F5: variants seen among roughly 807,000 people sequenced by gnomAD.
F5 encodes the protein coagulation factor V, also known as activated protein c cofactor.
In F5, 138 loss-of-function variants were observed where a neutral mutation model predicts 216.4. The observed-to-expected ratio is 0.64, with a 90% CI of 0.56 to 0.73. The LOEUF is 0.73. Among genes scored for constraint, F5 ranks in the 30% least tolerant of loss-of-function variants. The probability of loss-of-function intolerance (pLI) is 0.00; values close to 1 mark genes in which losing one functional copy is unlikely to be tolerated. For missense variants in F5, 2,403 were observed against 2,674.0 expected (o/e 0.90, Z 2.24); for synonymous variants, 916 against 930.7 (o/e 0.98, Z 0.29).
intron 2 of F5, among the ~76,000 whole-genome samples, chr1:169,578,619 T>C (rs999296520): frequency 6.6e-6 from 1 of 152,258 alleles, no homozygotes; most frequent in Non-Finnish European, 1.5e-5. Flanking sequence ...GTTTCCCACC[T>C]TATATTCCCT....
At chr1:169,515,861 C>G (rs371357967) in intron 23 of F5, 9 of 522,904 alleles carry the variant, frequency 1.7e-5, no homozygotes, top group African/African-American at 9.6e-5. Context: ...TCTTAGCATT[C>G]CTTACTGCTT....
chr1:169,525,504 T>C lies in F5; in HGVS notation c.5716+397A>G, dbSNP rs75048036. ...ATACTCAACAGTGCTTAGTAATGGC[T>C]TAAAGAATGGATGAACAGATGGACA... On this transcript the variant is annotated intron_variant, in intron 18 of 24. Coordinates refer to ENST00000367797, the MANE Select transcript of F5 (RefSeq NM_000130.5). Among the ~76,000 whole-genome samples the C allele has an allele frequency of 5.2e-3, 796 of 152,246 alleles. 7 individuals are homozygous for C. The highest frequency in any genetic ancestry group is 0.018 in the African/African-American group (749 of 41,542).
At chr1:169,554,525 T>A (rs1660265307) in intron 7 of F5, among the ~76,000 whole-genome samples, 2 of 152,244 alleles carry the variant, frequency 1.3e-5, no homozygotes, top group Non-Finnish European at 2.9e-5. Flanking sequence ...TGTACATACA[T>A]CATTTCACCT....
chr1:169,517,053 C>A (rs1476787705), intron 23 of F5, among the ~76,000 whole-genome samples: 3 of 151,960 alleles, frequency 2.0e-5, no homozygotes, highest in African/African-American at 4.8e-5. Context: ...ATTTATATTG[C>A]TATGTAAATT....
intron 3 of F5, among the ~76,000 whole-genome samples, chr1:169,570,771 G>A (rs1660704058): frequency 6.6e-6 from 1 of 152,096 alleles, no homozygotes; most frequent in African/African-American, 2.4e-5. Flanking sequence ...CATTTTAATT[G>A]AAGAATTATC....
chr1:169,586,371 G>C lies in F5; in HGVS notation c.16C>G (p.Pro6Ala). The C allele has an allele frequency of 6.2e-7, 1 of 1,613,510 alleles. No homozygotes were observed. The highest frequency in any genetic ancestry group is 2.2e-5 in the East Asian group (1 of 44,854). Residue 6 changes from proline (P) to alanine (A), a missense_variant, in exon 1 of 25, where the codon CCA becomes GCA. By Grantham distance (27) the Pro-to-Ala change is conservative (BLOSUM62 -1). Around this residue, in one of 4 missense-constraint regions of F5, gnomAD observed 1,425 missense variants for 1,554.8 expected, o/e 0.92. Transcript: ENST00000367797. MFPGC[P>A]RLWVLVVLGT... is the part of the protein sequence containing the mutation. The stretch of plus-strand genomic sequence containing the variant: ...AAGACCACCAGGACCCAGAGGCGTG[G>C]GCAGCCTGGGAACATGCTTCCTTTC...
Position 169,541,472 on chromosome 1 carries a change from T to C in F5, c.3618A>G (p.Pro1206=), listed in dbSNP as rs553622832. 5.5e-5 allele frequency: 89 copies of C among 1,614,116 alleles called. 2 individuals carry two copies. In the South Asian group the frequency reaches 9.6e-4, roughly 17 times the overall value. ...SPELSQTNLS[P]DLSHTTLSPE... is the part of the protein sequence containing the mutation. Reference sequence around the variant, plus strand: ...GAGAGAGAGTCGTGTGGCTGAGGTCTGGAGAGAGGTTTGTCTGGCTGAGTT... The same window carrying C: ...GAGAGAGAGTCGTGTGGCTGAGGTCCGGAGAGAGGTTTGTCTGGCTGAGTT... Residue 1206 remains proline (P), a synonymous_variant, in exon 13 of 25, where the codon CCA becomes CCG. Coordinates refer to ENST00000367797, the MANE Select transcript of F5 (RefSeq NM_000130.5).
intron 19 of F5, 53 bp from the exon 20 acceptor site, chr1:169,523,957 A>G (rs1659370923): frequency 6.8e-7 from 1 of 1,469,560 alleles, no homozygotes; most frequent in Non-Finnish European, 9.5e-7. Flanking sequence ...AAACCCAGCA[A>G]TTTCTCAAGT....
At chr1:169,535,798 C>T (rs1423796475) in intron 14 of F5, among the ~76,000 whole-genome samples, 3 of 152,154 alleles carry the variant, frequency 2.0e-5, no homozygotes, top group Non-Finnish European at 4.4e-5. Context: ...TACTTGTTTA[C>T]GTTTTTAAAA....
At chr1:169,521,192 T>G (rs1010209293) in intron 21 of F5, among the ~76,000 whole-genome samples, 1 of 152,054 alleles carries the variant, frequency 6.6e-6, no homozygotes, top group South Asian at 2.1e-4. Flanking sequence ...CTGAGGCCCC[T>G]CCCCAACCCA....
intron 12 of F5, 98 bp from the exon 13 acceptor site, chr1:169,543,212 C>T (rs771208399): frequency 1.9e-5 from 22 of 1,179,084 alleles, no homozygotes; most frequent in Admixed American, 1.1e-4. Context: ...AATAAACTTT[C>T]GTCAGGAATA....
In F5 at chr1:169,541,861, ATG is replaced by A; in HGVS notation, c.3227_3228del (p.Thr1076IlefsTer23). The A allele has an allele frequency of 6.2e-7, 1 of 1,614,096 alleles. No homozygotes were observed. Among genetic ancestry groups the A allele is most frequent in the Non-Finnish European group, 8.5e-7 (1 of 1,179,990 alleles). ...GTCTGATTGAGGTCTGTGGGAAGAG[ATG>A]TTTCATTGGATTTATGAAGCACCAA... ...HSLVLHKSNE[T>X]SLPTDLNQTL... On this transcript the variant is annotated frameshift_variant, in exon 13 of 25. Transcript: ENST00000367797. LOFTEE classifies it high-confidence loss of function.
At chr1:169,559,813 A>C (rs1020040296) in intron 4 of F5, among the ~76,000 whole-genome samples, 20 of 152,202 alleles carry the variant, frequency 1.3e-4, no homozygotes, top group African/African-American at 4.1e-4. Context: ...CAGTACCATC[A>C]CAGTATCTTA....
chr1:169,571,321 C>A (rs2101839443), intron 3 of F5, among the ~76,000 whole-genome samples: 2 of 152,250 alleles, frequency 1.3e-5, no homozygotes, highest in Non-Finnish European at 2.9e-5. Flanking sequence ...TATCCGATCC[C>A]AGGAACCATG....
intron 3 of F5, among the ~76,000 whole-genome samples, chr1:169,569,285 C>T (rs984461355): frequency 9.2e-5 from 14 of 152,014 alleles, no homozygotes; most frequent in African/African-American, 3.1e-4. Flanking sequence ...TTAGATACAA[C>T]GAACAATGTC....
At position 169,540,727 on chromosome 1, in the gene F5, A is replaced by G. The variant is rs141008577; in HGVS notation, c.4363T>C (p.Ser1455Pro). ...ATCTGATCAAGGTCTGGAGGAGGTG[A>G]TATCTGGCTGAGATCCGGGAGAAGG... ...TTLLPDLSQI[S>P]PPPDLDQIFY... Residue 1455 changes from serine (S) to proline (P), a missense_variant, in exon 13 of 25, where the codon TCA (serine) becomes CCA (proline). Around this residue, in one of 4 missense-constraint regions of F5, gnomAD observed 293 missense variants for 270.8 expected, o/e 1.08. Coordinates refer to ENST00000367797, the MANE Select transcript of F5 (RefSeq NM_000130.5). The G allele has an allele frequency of 1.9e-6, 3 of 1,614,058 alleles. No individual in the cohort carries two copies. Among genetic ancestry groups the G allele is most frequent in the Admixed American group, 3.3e-5 (2 of 60,006 alleles).
At chr1:169,515,302 G>T in intron 24 of F5, 142 bp downstream of exon 24, 1 of 1,038,694 alleles carries the variant, frequency 9.6e-7, no homozygotes, top group Non-Finnish European at 1.5e-6. Context: ...GTTTGTCTGA[G>T]ACCAGGCACC....
Position 169,541,373 on chromosome 1 carries a change from G to T in F5, c.3717C>A (p.Thr1239=). ...TTGTATGGCTGAGGTCTGGAGAAAG[G>T]GTTGTATGGCTGAGGTCTGGAGAAA... is the stretch of plus-strand genomic sequence containing the variant. The part of the protein sequence containing the change: ...MPISPDLSHT[T]LSPDLSHTTL... Residue 1239 remains threonine, a synonymous_variant, in exon 13 of 25, where the codon ACC becomes ACA. Coordinates refer to ENST00000367797, the MANE Select transcript of F5 (RefSeq NM_000130.5). The T allele has an allele frequency of 6.2e-7, 1 of 1,611,510 alleles. No homozygotes were observed. Among genetic ancestry groups the T allele is most frequent in the Non-Finnish European group, 8.5e-7 (1 of 1,178,876 alleles).
At position 169,520,623 on chromosome 1, in the gene F5, A is replaced by G; in HGVS notation, c.6090T>C (p.Asn2030=). ...GNSDASTIKE[N]QFDPPIVARY... The stretch of plus-strand genomic sequence containing the variant: ...TAGCCACAATAGGTGGGTCAAACTG[A>G]TTCTCTTTTATTGTAGAGGCATCTG... Residue 2030 remains asparagine (N), a synonymous_variant, in exon 22 of 25, where the codon AAT becomes AAC. Transcript: ENST00000367797. 1.9e-6 allele frequency: 3 copies of G among 1,613,912 alleles called. No homozygotes were observed. Among genetic ancestry groups the G allele is most frequent in the Non-Finnish European group, 2.5e-6 (3 of 1,179,878 alleles).
Sources: allele counts gnomAD v4.1 joint callset (sites outside exome capture counted in the v4.1 genomes callset), GRCh38; gene constraint gnomAD v4.1.1; regional missense constraint gnomAD v4.1.1; transcripts MANE v1.5; gene names NCBI Gene and HGNC (gene_info 2026-07-23, HGNC 2026-07-21).